Variants in SNTG1 observed in about 807,000 individuals in gnomAD.
SNTG1 encodes gamma-1-syntrophin.
Under a neutral mutation model 74.7 loss-of-function variants are expected in SNTG1, and 39 were observed. That is an observed-to-expected ratio of 0.52 (90% CI 0.40 to 0.68). The LOEUF (loss-of-function observed/expected upper bound fraction) is 0.68, where lower values mean the gene tolerates loss of function less well. Among genes scored for constraint, SNTG1 ranks in the 30% least tolerant of loss-of-function variants. SNTG1 has a pLI of 0.00. For missense variants in SNTG1, 685 were observed against 609.5 expected (o/e 1.12, Z -1.30); for synonymous variants, 254 against 217.1 (o/e 1.17, Z -1.49).
chr8:50,081,611 C>T (rs1423166182), intron 1 of SNTG1, among the ~76,000 whole-genome samples: 3 of 151,782 alleles, frequency 2.0e-5, no homozygotes, highest in Non-Finnish European at 2.9e-5. Context: ...CTGTTCACTT[C>T]GTTTTTTTTG....
intron 13 of SNTG1, among the ~76,000 whole-genome samples, chr8:50,650,183 A>G (rs114935683): frequency 3.3e-5 from 5 of 152,068 alleles, no homozygotes; most frequent in Non-Finnish European, 5.9e-5. Flanking sequence ...ATTTCTATTT[A>G]TAATTTAAAG....
At chr8:50,238,499 G>T (rs1434832697) in intron 2 of SNTG1, among the ~76,000 whole-genome samples, 1 of 152,042 alleles carries the variant, frequency 6.6e-6, no homozygotes, top group Non-Finnish European at 1.5e-5. Flanking sequence ...ACTTAAGATG[G>T]ATTAAAGACT....
At chr8:50,387,801 C>A (rs1050995168) in intron 2 of SNTG1, among the ~76,000 whole-genome samples, 5 of 152,122 alleles carry the variant, frequency 3.3e-5, no homozygotes, top group Admixed American at 6.5e-5. Flanking sequence ...TGTACTTATA[C>A]CTATAAAAGA....
At chr8:50,325,188 T>G (rs1347342121) in intron 2 of SNTG1, among the ~76,000 whole-genome samples, 2 of 151,502 alleles carry the variant, frequency 1.3e-5, no homozygotes, top group Non-Finnish European at 2.9e-5. Flanking sequence ...TCTACAATAT[T>G]GTATTGCCCA....
At chr8:50,513,086 G>A (rs2094098192) in intron 9 of SNTG1, among the ~76,000 whole-genome samples, 1 of 152,056 alleles carries the variant, frequency 6.6e-6, no homozygotes, top group Non-Finnish European at 1.5e-5. Flanking sequence ...ATGTACAGAT[G>A]GGGTTTTGGT....
intron 1 of SNTG1, among the ~76,000 whole-genome samples, chr8:50,139,149 A>G (rs2081576869): frequency 6.6e-6 from 1 of 152,128 alleles, no homozygotes; most frequent in South Asian, 2.1e-4. Context: ...ATCTGTGGGT[A>G]TTTATGTTCC....
Position 50,457,894 on chromosome 8 carries a change from G to A in SNTG1, c.363+7165G>A, listed in dbSNP as rs558066793. 2.6e-5 allele frequency: 4 copies of A among 152,362 alleles called. No homozygotes were observed. The East Asian group carries it at 5.8e-4, about 22-fold the overall frequency. The allele number at this position is 152,362 out of a possible 1,614,324, so 9.4% of individuals were successfully genotyped here. ...ACATTCTGGGCAGTAAGTGGTCTGC[G>A]TTTGTCCTTCTTTCAGCTCTCAGAA... is the stretch of plus-strand genomic sequence containing the variant. On this transcript the variant is annotated intron_variant, in intron 8 of 18. Transcript: ENST00000642720.
chr8:50,508,207 T>C (rs2094027565), intron 9 of SNTG1, among the ~76,000 whole-genome samples: 1 of 152,096 alleles, frequency 6.6e-6, no homozygotes, highest in Admixed American at 6.6e-5. Context: ...CTGAGAATTT[T>C]ATGGTTTCCA....
At chr8:50,220,390 A>C (rs1586741058) in intron 2 of SNTG1, among the ~76,000 whole-genome samples, 2 of 152,246 alleles carry the variant, frequency 1.3e-5, no homozygotes, top group Middle Eastern at 6.8e-3. Context: ...GATAACAGGG[A>C]TTATGAGAAC....
chr8:50,055,134 T>C lies in SNTG1; in HGVS notation c.-102-117427T>C, dbSNP rs80285739. Among the ~76,000 whole-genome samples, 551 of 152,296 alleles carry C rather than the reference T, an allele frequency of 3.6e-3. 8 individuals are homozygous for C. The South Asian group carries it at 0.037, about 10-fold the overall frequency. ...CCCACACTAACCTCAACTGCTTCAA[T>C]GGCTCCACCTAGCTAACATCTGCTG... On this transcript the variant is annotated intron_variant, in intron 1 of 18. Coordinates refer to ENST00000642720, the MANE Select transcript of SNTG1 (RefSeq NM_018967.5).
chr8:50,303,732 G>A (rs1476067567), intron 2 of SNTG1, among the ~76,000 whole-genome samples: 3 of 152,010 alleles, frequency 2.0e-5, no homozygotes, highest in Non-Finnish European at 4.4e-5. Flanking sequence ...TAATGTTTTA[G>A]CTTGTGAGAT....
At chr8:50,185,671 C>T (rs561344631) in intron 2 of SNTG1, among the ~76,000 whole-genome samples, 3 of 152,222 alleles carry the variant, frequency 2.0e-5, no homozygotes, top group Non-Finnish European at 4.4e-5. Flanking sequence ...AGAGAAATCA[C>T]ACCTTTTTTT....
At chr8:50,727,500 C>T (rs142597788) in intron 17 of SNTG1, among the ~76,000 whole-genome samples, 1,667 of 152,248 alleles carry the variant, frequency 0.011, 23 homozygotes, top group Middle Eastern at 0.034. Context: ...CATTCCACAG[C>T]CCCACTGGCT....
intron 15 of SNTG1, among the ~76,000 whole-genome samples, chr8:50,699,591 T>C (rs1482323334): frequency 3.9e-5 from 6 of 152,172 alleles, no homozygotes; most frequent in Non-Finnish European, 7.4e-5. Flanking sequence ...AAATAGAAGA[T>C]ACTTCTGGAG....
rs2131355671 is a variant in SNTG1 at position 50,121,006 on chromosome 8, A to G, written c.-102-51555A>G. On this transcript the variant is annotated intron_variant, in intron 1 of 18. Coordinates refer to ENST00000642720, the MANE Select transcript of SNTG1 (RefSeq NM_018967.5). ...ACACTGAGCTGCTTTTGCTCCCCAT[A>G]TTTCATTATCATATCAAGACACTGA... Among the ~76,000 whole-genome samples, 2 of 141,752 alleles carry G rather than the reference A, an allele frequency of 1.4e-5. 1 individual carries two copies. Among genetic ancestry groups the G allele is most frequent in the East Asian group, 4.0e-4 (2 of 4,982 alleles). 93.0% of individuals were successfully genotyped at this position (141,752 alleles called of 152,430 possible). A position where few individuals can be genotyped will look rare whatever the true frequency, so the allele number is the denominator to read the frequency against.
At chr8:50,025,829 G>C (rs909557303) in intron 1 of SNTG1, among the ~76,000 whole-genome samples, 4 of 152,104 alleles carry the variant, frequency 2.6e-5, no homozygotes, top group Non-Finnish European at 4.4e-5. Context: ...CTTCTCTCAT[G>C]GTTATGTGTT....
intron 1 of SNTG1, among the ~76,000 whole-genome samples, chr8:49,921,397 A>G (rs1056901393): frequency 2.0e-5 from 3 of 152,062 alleles, no homozygotes; most frequent in African/African-American, 7.2e-5. Context: ...GGCATCCTGG[A>G]GAGAACGATT....
chr8:49,964,785 AT>A, intron 1 of SNTG1, among the ~76,000 whole-genome samples: 1 of 152,164 alleles, frequency 6.6e-6, no homozygotes, highest in African/African-American at 2.4e-5. Flanking sequence ...GATAGTAGGT[AT>A]TCATTAGTGA....
chr8:50,059,912 C>A (rs942911240), intron 1 of SNTG1, among the ~76,000 whole-genome samples: 3 of 152,072 alleles, frequency 2.0e-5, no homozygotes, highest in Admixed American at 6.6e-5. Flanking sequence ...ACTTGAAGAA[C>A]TACCAGCCCG....
Sources: allele counts gnomAD v4.1 joint callset (sites outside exome capture counted in the v4.1 genomes callset), GRCh38; gene constraint gnomAD v4.1.1; transcripts MANE v1.5; gene names NCBI Gene and HGNC (gene_info 2026-07-23, HGNC 2026-07-21).